GNA12: variants seen among roughly 807,000 people sequenced by gnomAD.
The protein encoded by GNA12 is G protein subunit alpha 12, also known as guanine nucleotide-binding protein subunit alpha-12.
Under a neutral mutation model 26.0 loss-of-function variants are expected in GNA12, and 9 were observed. The ratio of observed to expected loss-of-function variants is 0.35; its 90% CI spans 0.21 to 0.60. The LOEUF is 0.60. GNA12 is among the 20% of genes least tolerant of loss of function. GNA12 has a pLI of 0.78. For synonymous variants in GNA12, 264 were observed against 219.6 expected, an observed-to-expected ratio of 1.20 and a Z score of -1.79; for missense variants, 405 against 525.8, an observed-to-expected ratio of 0.77 and a Z score of 2.25.
chr7:2,843,962 T>C lies in GNA12; in HGVS notation c.200A>G (p.Glu67Gly). 1 of 1,589,732 alleles carries C rather than the reference T, an allele frequency of 6.3e-7. No individual in the cohort carries two copies. The highest frequency in any genetic ancestry group is 8.5e-7 in the Non-Finnish European group (1 of 1,170,076). Residue 67 changes from glutamate (E) to glycine (G), a missense_variant, in exon 1 of 4, where the codon GAG (glutamate) becomes GGG (glycine). Transcript: ENST00000275364. ...CTTGAGGAACGTGGACTTGCCGCTCTCGCCCGCGCCCAGCAGCAGGATCTT... is the reference window on the plus strand; with the variant it reads ...CTTGAGGAACGTGGACTTGCCGCTCCCGCCCGCGCCCAGCAGCAGGATCTT... The part of the protein sequence containing the change: ...LVKILLLGAG[E>G]SGKSTFLKQM...
chr7:2,804,006 G>A (rs1440019125), intron 1 of GNA12, among the ~76,000 whole-genome samples: 1 of 152,062 alleles, frequency 6.6e-6, no homozygotes, highest in East Asian at 1.9e-4. Context: ...TTCTTCCAGG[G>A]GTCAGGATAA....
At position 2,787,943 on chromosome 7, in the gene GNA12, CA is replaced by C. The variant is rs549560851; in HGVS notation, c.525+6984del. On this transcript the variant is annotated intron_variant, in intron 2 of 3. Coordinates refer to ENST00000275364, the MANE Select transcript of GNA12 (RefSeq NM_007353.3). Reference sequence around the variant, plus strand: ...CCAAGGCAGGAGGATCACCTGAGGTCAAGAGTTGGAGACCAGCATGGCCAAT... The same window carrying C: ...CCAAGGCAGGAGGATCACCTGAGGTCAGAGTTGGAGACCAGCATGGCCAAT... Among the ~76,000 whole-genome samples, 642 of 152,312 alleles carry C rather than the reference CA, an allele frequency of 4.2e-3. 7 individuals are homozygous for C. Among genetic ancestry groups the C allele is most frequent in the African/African-American group, 0.015 (610 of 41,576 alleles).
At chr7:2,830,480 C>T (rs1314850778) in intron 1 of GNA12, among the ~76,000 whole-genome samples, 5 of 152,314 alleles carry the variant, frequency 3.3e-5, no homozygotes, top group South Asian at 2.1e-4. Context: ...AGGAGGAAGG[C>T]ATGTCCCCTG....
At chr7:2,792,203 C>G (rs1333425716) in intron 2 of GNA12, among the ~76,000 whole-genome samples, 1 of 152,196 alleles carries the variant, frequency 6.6e-6, no homozygotes, top group East Asian at 1.9e-4. Context: ...AGCACCGGGT[C>G]TCACACAGTA....
chr7:2,773,488 G>C (rs1049237139), intron 2 of GNA12, among the ~76,000 whole-genome samples: 4 of 152,180 alleles, frequency 2.6e-5, no homozygotes, highest in African/African-American at 9.7e-5. Flanking sequence ...CTTGAACCCG[G>C]GAGGCAGAGG....
intron 2 of GNA12, among the ~76,000 whole-genome samples, chr7:2,753,932 G>A (rs1017966583): frequency 3.3e-5 from 5 of 152,058 alleles, no homozygotes; most frequent in Admixed American, 2.0e-4. Flanking sequence ...GGGTTAATCC[G>A]ACCACGAGCT....
chr7:2,741,670 T>TA (rs11434958), intron 2 of GNA12, among the ~76,000 whole-genome samples: 24,964 of 151,986 alleles, frequency 0.16, 2,135 homozygotes, highest in Non-Finnish European at 0.2. Flanking sequence ...TCATTTGCTT[T>TA]ATCCTTCGCT....
intron 1 of GNA12, among the ~76,000 whole-genome samples, chr7:2,807,598 A>AG (rs1384657119): frequency 2.0e-5 from 3 of 152,030 alleles, no homozygotes; most frequent in African/African-American, 7.2e-5. Context: ...AAAAAAAAAA[A>AG]CCTAGCCAGG....
At chr7:2,774,485 C>G in intron 2 of GNA12, among the ~76,000 whole-genome samples, 1 of 152,134 alleles carries the variant, frequency 6.6e-6, no homozygotes, top group South Asian at 2.1e-4. Flanking sequence ...CCTGATGGCG[C>G]TGGGAGGCCC....
intron 1 of GNA12, among the ~76,000 whole-genome samples, chr7:2,842,741 G>C (rs1779032151): frequency 6.6e-6 from 1 of 152,198 alleles, no homozygotes; most frequent in South Asian, 2.1e-4. Context: ...TGGATATCTG[G>C]TGATAATGAG....
chr7:2,805,062 G>C (rs953061735), intron 1 of GNA12, among the ~76,000 whole-genome samples: 1 of 152,184 alleles, frequency 6.6e-6, no homozygotes, highest in Non-Finnish European at 1.5e-5. Flanking sequence ...TGGTCAAGCT[G>C]GGGCCTCAGC....
chr7:2,782,391 G>C (rs888767908), intron 2 of GNA12, among the ~76,000 whole-genome samples: 1 of 152,128 alleles, frequency 6.6e-6, no homozygotes, highest in Non-Finnish European at 1.5e-5. Context: ...GGGAGGATTT[G>C]CTACCCATCA....
At chr7:2,822,807 G>A (rs921930853) in intron 1 of GNA12, among the ~76,000 whole-genome samples, 3 of 152,144 alleles carry the variant, frequency 2.0e-5, no homozygotes, top group Admixed American at 6.5e-5. Flanking sequence ...GTAAGACTCC[G>A]TTTCCAAAAG....
At chr7:2,737,270 TTTTG>T (rs1178218055) in intron 2 of GNA12, among the ~76,000 whole-genome samples, 5 of 47,728 alleles carry the variant, frequency 1.0e-4, no homozygotes, top group African/African-American at 2.6e-4. Flanking sequence ...CACAGTTTTG[TTTTG>T]TTTTTTTTTT....
At chr7:2,738,335 C>T (rs992192752) in intron 2 of GNA12, among the ~76,000 whole-genome samples, 5 of 151,792 alleles carry the variant, frequency 3.3e-5, no homozygotes, top group South Asian at 2.1e-4. Context: ...TACAAAGTGA[C>T]GCAGGCACAA....
chr7:2,757,598 G>C (rs575643510), intron 2 of GNA12, among the ~76,000 whole-genome samples: 1 of 152,194 alleles, frequency 6.6e-6, no homozygotes, highest in Non-Finnish European at 1.5e-5. Flanking sequence ...AGCACGTGGC[G>C]AACTCTGGAT....
At chr7:2,794,711 T>C in intron 2 of GNA12, 2 of 574,174 alleles carry the variant, frequency 3.5e-6, no homozygotes, top group Non-Finnish European at 6.2e-6. Flanking sequence ...AGAAAGCTAT[T>C]GATCTTACCT....
At chr7:2,801,158 TCAAGTCAC>T (rs1222940863) in intron 1 of GNA12, among the ~76,000 whole-genome samples, 1 of 151,848 alleles carries the variant, frequency 6.6e-6, no homozygotes, top group Non-Finnish European at 1.5e-5. Context: ...GCCCTCCCAA[TCAAGTCAC>T]CAACCCTCCC....
chr7:2,745,987 G>A (rs1182230985), intron 2 of GNA12, among the ~76,000 whole-genome samples: 6 of 152,166 alleles, frequency 3.9e-5, no homozygotes, highest in Non-Finnish European at 7.3e-5. Context: ...AAATATATAT[G>A]CAAACAATAC....
Sources: gnomAD v4.1 joint callset for allele counts (sites outside exome capture counted in the v4.1 genomes callset) on GRCh38, gnomAD v4.1.1 for gene constraint, MANE v1.5 for transcripts, NCBI Gene and HGNC (gene_info 2026-07-23, HGNC 2026-07-21) for gene names.